NUAK1: variants seen among roughly 807,000 people sequenced by gnomAD.
The protein encoded by NUAK1 is NUAK family SNF1-like kinase 1.
NUAK1 carries 26 observed loss-of-function variants against 56.9 expected under a neutral mutation model. The observed-to-expected ratio is 0.46, with a 90% CI of 0.33 to 0.63. NUAK1 has a LOEUF of 0.63. NUAK1 is among the 30% of genes least tolerant of loss of function. NUAK1 has a pLI of 0.02. For missense variants in NUAK1, 727 were observed against 876.1 expected, an observed-to-expected ratio of 0.83 and a Z score of 2.15; for synonymous variants, 337 against 336.0, an observed-to-expected ratio of 1.00 and a Z score of -0.03.
At chr12:106,084,006 G>A in intron 3 of NUAK1, 77 bp from the exon 4 acceptor site, 1 of 1,218,948 alleles carries the variant, frequency 8.2e-7, no homozygotes, top group East Asian at 2.3e-5. Context: ...AAGGAGGAGG[G>A]TGAGCAAAGG....
At chr12:106,127,074 A>G (rs897656975) in intron 1 of NUAK1, among the ~76,000 whole-genome samples, 1 of 152,222 alleles carries the variant, frequency 6.6e-6, no homozygotes, top group Non-Finnish European at 1.5e-5. Flanking sequence ...GTGGTCCATG[A>G]GTCCTTGTGA....
intron 2 of NUAK1, among the ~76,000 whole-genome samples, chr12:106,097,962 C>A (rs1006149239): frequency 6.6e-6 from 1 of 152,208 alleles, no homozygotes; most frequent in Non-Finnish European, 1.5e-5. Context: ...ATTCCAGGAC[C>A]TCTGCTGGGT....
intron 4 of NUAK1, among the ~76,000 whole-genome samples, chr12:106,074,247 T>C (rs1455216245): frequency 6.6e-6 from 1 of 152,062 alleles, no homozygotes; most frequent in Admixed American, 6.6e-5. Context: ...TGCAAAATAA[T>C]AATAATAATA....
At chr12:106,088,352 T>C (rs1354246996) in intron 2 of NUAK1, among the ~76,000 whole-genome samples, 1 of 152,178 alleles carries the variant, frequency 6.6e-6, no homozygotes, top group African/African-American at 2.4e-5. Flanking sequence ...AACATTTCCA[T>C]CAGGCCCCCT....
intron 2 of NUAK1, among the ~76,000 whole-genome samples, chr12:106,102,194 T>C (rs1309427743): frequency 6.6e-6 from 1 of 152,166 alleles, no homozygotes; most frequent in Non-Finnish European, 1.5e-5. Context: ...TGATACCCTA[T>C]AGGTCGCAAA....
At chr12:106,093,593 A>T (rs1266991955) in intron 2 of NUAK1, among the ~76,000 whole-genome samples, 1 of 152,194 alleles carries the variant, frequency 6.6e-6, no homozygotes, top group Admixed American at 6.5e-5. Context: ...TCTGAGGGAA[A>T]CGCTGATGAG....
At chr12:106,084,062 A>C in intron 3 of NUAK1, 133 bp from the exon 4 acceptor site, 1 of 730,398 alleles carries the variant, frequency 1.4e-6, no homozygotes. Context: ...GGTGGTCTTC[A>C]CCTCCATCCT....
At chr12:106,133,676 C>T (rs1592865622) in intron 1 of NUAK1, among the ~76,000 whole-genome samples, 1 of 152,318 alleles carries the variant, frequency 6.6e-6, no homozygotes, top group South Asian at 2.1e-4. Context: ...GGATGCACCA[C>T]AAGCTCTCAA....
intron 4 of NUAK1, among the ~76,000 whole-genome samples, chr12:106,074,926 T>C (rs1344174621): frequency 6.6e-6 from 1 of 152,092 alleles, no homozygotes; most frequent in Admixed American, 6.5e-5. Context: ...TTGGAAGCTT[T>C]ATGAAGTGTG....
chr12:106,103,360 ATGGCTCC>A (rs2032767700), intron 2 of NUAK1: 1 of 152,244 alleles, frequency 6.6e-6, no homozygotes, highest in Non-Finnish European at 1.5e-5. Flanking sequence ...ACAGGATTGT[ATGGCTCC>A]ACACCCTACA....
chr12:106,113,037 C>T (rs1016041496), intron 1 of NUAK1, among the ~76,000 whole-genome samples: 49 of 152,182 alleles, frequency 3.2e-4, no homozygotes, highest in Non-Finnish European at 1.0e-4. Context: ...CAGATTCGTG[C>T]TTGACTGGGC....
chr12:106,070,661 A>T, intron 6 of NUAK1, 113 bp downstream of exon 6: 1 of 1,366,098 alleles, frequency 7.3e-7, no homozygotes, highest in Non-Finnish European at 1.0e-6. Flanking sequence ...AAGAAGAAAG[A>T]GGAAAACCAG....
chr12:106,132,378 T>C (rs967691720), intron 1 of NUAK1, among the ~76,000 whole-genome samples: 6 of 152,256 alleles, frequency 3.9e-5, no homozygotes, highest in Non-Finnish European at 5.9e-5. Flanking sequence ...GGACCTACTA[T>C]GTGCTTGGCA....
intron 4 of NUAK1, among the ~76,000 whole-genome samples, chr12:106,076,488 C>A (rs1437286446): frequency 6.6e-6 from 1 of 152,150 alleles, no homozygotes; most frequent in East Asian, 1.9e-4. Context: ...CTGCCCCATA[C>A]TGATTCAGAA....
rs2032476447 is a variant in NUAK1, at chr12:106,077,501, A to G, written c.580-4658T>C. 2.0e-5 allele frequency among the ~76,000 whole-genome samples: 3 copies of G among 152,274 alleles called. No individual in the cohort carries two copies. The South Asian group carries it at 6.2e-4, about 31-fold the overall frequency. On this transcript the variant is annotated intron_variant, in intron 4 of 6. Transcript: ENST00000261402. The stretch of plus-strand genomic sequence containing the variant: ...TAAAGCCACTGCCCATTAAAGAGCC[A>G]GGAGATCTTACCACTCATTTATAAT...
intron 5 of NUAK1, among the ~76,000 whole-genome samples, 184 bp from the exon 6 acceptor site, chr12:106,071,090 C>T (rs940506613): frequency 3.9e-5 from 6 of 152,216 alleles, no homozygotes; most frequent in African/African-American, 9.7e-5. Flanking sequence ...GGACCTGCTA[C>T]AGAGCCTGAC....
At chr12:106,120,643 G>T (rs765583864) in intron 1 of NUAK1, among the ~76,000 whole-genome samples, 2 of 152,114 alleles carry the variant, frequency 1.3e-5, no homozygotes, top group East Asian at 1.9e-4. Flanking sequence ...AATTGATTTC[G>T]CAGGATGGAA....
rs1863729 is a variant in NUAK1, at chr12:106,113,908, C to T, written c.241-7383G>A. 3.7e-3 allele frequency among the ~76,000 whole-genome samples: 565 copies of T among 151,988 alleles called. 1 individual carries two copies. The highest frequency in any genetic ancestry group is 0.013 in the African/African-American group (537 of 41,440). On this transcript the variant is annotated intron_variant, in intron 1 of 6. Transcript: ENST00000261402. ...CACAGTCTACACATAACCCGGAGCA[C>T]GAAAAAGCCTCTGGTAACACAAGAG...
chr12:106,123,203 T>C (rs983469431), intron 1 of NUAK1, among the ~76,000 whole-genome samples: 5 of 152,178 alleles, frequency 3.3e-5, no homozygotes, highest in Non-Finnish European at 7.3e-5. Flanking sequence ...CTCAGAGACA[T>C]AATACTTTAT....
Sources: allele counts gnomAD v4.1 joint callset (sites outside exome capture counted in the v4.1 genomes callset), GRCh38; gene constraint gnomAD v4.1.1; transcripts MANE v1.5; gene names NCBI Gene and HGNC (gene_info 2026-07-23, HGNC 2026-07-21).